SDK1: variants seen among roughly 807,000 people sequenced by gnomAD.
SDK1 encodes protein sidekick-1.
In SDK1, 157 loss-of-function variants were observed where a neutral mutation model predicts 245.5. The observed-to-expected ratio is 0.64, with a 90% CI of 0.56 to 0.73. SDK1 has a LOEUF of 0.73. Ranked by LOEUF, SDK1 falls within the 30% of genes least tolerant of loss-of-function variation. The probability of loss-of-function intolerance (pLI) is 0.00; values close to 1 mark genes in which losing one functional copy is unlikely to be tolerated. For synonymous variants in SDK1, 1,647 were observed against 1,278.5 expected, an observed-to-expected ratio of 1.29 and a Z score of -6.15; for missense variants, 3,583 against 3,002.3, an observed-to-expected ratio of 1.19 and a Z score of -4.52.
rs184240341 is a variant in SDK1 at position 4,104,528 on chromosome 7, G to A, written c.3325-6135G>A. On this transcript the variant is annotated intron_variant, in intron 22 of 44. Coordinates refer to ENST00000404826, the MANE Select transcript of SDK1 (RefSeq NM_152744.4). ...CACGGTTATATTGCTCTCATAGCTG[G>A]TTTTATTTCTAACTTTTTGATCTTA... 7.4e-3 allele frequency among the ~76,000 whole-genome samples: 1,131 copies of A among 152,250 alleles called. 8 individuals are homozygous for A. The highest frequency in any genetic ancestry group is 0.013 in the Non-Finnish European group (861 of 68,012).
intron 1 of SDK1, among the ~76,000 whole-genome samples, chr7:3,534,317 G>C (rs1024273375): frequency 2.0e-5 from 3 of 152,124 alleles, no homozygotes; most frequent in African/African-American, 7.2e-5. Context: ...GTGCTTCTGT[G>C]TCTTGGCTAT....
intron 1 of SDK1, among the ~76,000 whole-genome samples, chr7:3,593,327 G>A (rs1780946159): frequency 6.6e-6 from 1 of 152,034 alleles, no homozygotes; most frequent in Non-Finnish European, 1.5e-5. Context: ...GGACAAGGTG[G>A]GGCTGTTTCT....
intron 35 of SDK1, among the ~76,000 whole-genome samples, chr7:4,179,736 C>T (rs1403789299): frequency 2.0e-5 from 3 of 151,772 alleles, no homozygotes; most frequent in Admixed American, 6.6e-5. Context: ...AGGGTGCTGT[C>T]AGAGAGGGGT....
chr7:4,017,638 C>G (rs1423902007), intron 17 of SDK1, among the ~76,000 whole-genome samples: 1 of 152,142 alleles, frequency 6.6e-6, no homozygotes, highest in Non-Finnish European at 1.5e-5. Context: ...GTCTGTGGAA[C>G]TGGATTTTTC....
intron 4 of SDK1, among the ~76,000 whole-genome samples, chr7:3,774,002 C>G (rs1313413601): frequency 6.6e-6 from 1 of 152,034 alleles, no homozygotes; most frequent in African/African-American, 2.4e-5. Context: ...ATCACGAGGT[C>G]AGGAGATCGA....
Position 3,951,766 on chromosome 7 carries a change from T to G in SDK1, c.996T>G (p.Asn332Lys). Residue 332 changes from asparagine (N) to lysine (K), a missense_variant, in exon 7 of 45, where the codon AAT (asparagine) becomes AAG (lysine). Asn to Lys is a moderately conservative substitution (Grantham distance 94). Coordinates refer to ENST00000404826, the MANE Select transcript of SDK1 (RefSeq NM_152744.4). Reference protein sequence around the residue: ...VEDLSVTWKRNGVRITSGLHS... With the variant: ...VEDLSVTWKRKGVRITSGLHS... ...ACCTGAGTGTGACCTGGAAGAGGAA[T>G]GGAGTGAGAATCACCAGTGGCCTCC... 1 of 1,613,792 alleles carries G rather than the reference T, an allele frequency of 6.2e-7. No individual in the cohort carries two copies. The highest frequency in any genetic ancestry group is 8.5e-7 in the Non-Finnish European group (1 of 1,180,014).
intron 1 of SDK1, among the ~76,000 whole-genome samples, chr7:3,523,958 G>A (rs1183821665): frequency 6.6e-6 from 1 of 152,122 alleles, no homozygotes; most frequent in African/African-American, 2.4e-5. Context: ...ATTCTCCTTT[G>A]AGTCTGGATC....
rs140764304 is a variant in SDK1, at chr7:3,452,156, G to T, written c.298+150272G>T. 4.2e-3 allele frequency among the ~76,000 whole-genome samples: 637 copies of T among 152,302 alleles called. 7 individuals are homozygous for T. The highest frequency in any genetic ancestry group is 0.018 in the South Asian group (87 of 4,826). On this transcript the variant is annotated intron_variant, in intron 1 of 44. Transcript: ENST00000404826. The stretch of plus-strand genomic sequence containing the variant: ...ATGAGCATTTTTGTTTATCTGTTCA[G>T]TGTGTTTGGGGCTTTTGTCGTGTCA...
At chr7:3,468,985 A>G (rs1781097807) in intron 1 of SDK1, among the ~76,000 whole-genome samples, 1 of 152,224 alleles carries the variant, frequency 6.6e-6, no homozygotes, top group Non-Finnish European at 1.5e-5. Flanking sequence ...TGAAGTTACC[A>G]TATGAAATAT....
At chr7:3,840,528 G>C (rs1780130592) in intron 5 of SDK1, among the ~76,000 whole-genome samples, 1 of 152,178 alleles carries the variant, frequency 6.6e-6, no homozygotes, top group Non-Finnish European at 1.5e-5. Context: ...GAACTTGTTA[G>C]AAATGCAGAA....
chr7:3,444,630 T>A (rs2128589662), intron 1 of SDK1, among the ~76,000 whole-genome samples: 1 of 152,286 alleles, frequency 6.6e-6, no homozygotes, highest in Non-Finnish European at 1.5e-5. Flanking sequence ...TGGCCCCACC[T>A]CTCTGTCCCC....
chr7:3,518,975 A>G (rs1583988526), intron 1 of SDK1, among the ~76,000 whole-genome samples: 1 of 151,080 alleles, frequency 6.6e-6, no homozygotes, highest in East Asian at 1.9e-4. Flanking sequence ...AAAAAAAAAA[A>G]GGAAGTCCTG....
intron 1 of SDK1, among the ~76,000 whole-genome samples, chr7:3,372,348 C>A (rs1188665365): frequency 2.0e-5 from 3 of 152,136 alleles, no homozygotes; most frequent in African/African-American, 7.2e-5. Context: ...GAAAATGTAG[C>A]CCACGTTACA....
At chr7:3,388,958 G>C (rs1781677507) in intron 1 of SDK1, among the ~76,000 whole-genome samples, 1 of 152,150 alleles carries the variant, frequency 6.6e-6, no homozygotes, top group Non-Finnish European at 1.5e-5. Context: ...TAGCAGCCGT[G>C]ATACCTGCTG....
chr7:3,706,188 G>C lies in SDK1; in HGVS notation c.713+64083G>C, dbSNP rs558997985. On this transcript the variant is annotated intron_variant, in intron 4 of 44. Transcript: ENST00000404826. ...AGTTCATATTTTGTTGAGGATTTTT[G>C]CATCTATATTCATCAAGGATATTGG... is the stretch of plus-strand genomic sequence containing the variant. Among the ~76,000 whole-genome samples the C allele has an allele frequency of 8.5e-5, 13 of 152,200 alleles. No homozygotes were observed. The South Asian group carries it at 2.5e-3, about 29-fold the overall frequency.
chr7:4,156,259 T>C (rs115935764), intron 30 of SDK1, among the ~76,000 whole-genome samples: 4,620 of 152,144 alleles, frequency 0.03, 169 homozygotes, highest in African/African-American at 0.082. Flanking sequence ...AGGGAGGTCG[T>C]GGGAGAAGAC....
At chr7:4,009,500 A>G (rs1785766804) in intron 14 of SDK1, among the ~76,000 whole-genome samples, 1 of 152,168 alleles carries the variant, frequency 6.6e-6, no homozygotes, top group African/African-American at 2.4e-5. Flanking sequence ...GGTAACTGGG[A>G]ATGCGCACAT....
Position 4,266,990 on chromosome 7 carries a change from G to T in SDK1, c.*1606G>T. ...TCTCCTGGCCACATGCAGAAAGTGT[G>T]GCCCCTGCTTACCTAGATGTTTTGT... On this transcript the variant is annotated 3_prime_UTR_variant, in exon 45 of 45. Transcript: ENST00000404826. The T allele has an allele frequency of 2.0e-6, 2 of 985,590 alleles. No individual in the cohort carries two copies. The highest frequency in any genetic ancestry group is 2.4e-6 in the Non-Finnish European group (2 of 830,034). 61.1% of individuals were successfully genotyped at this position (985,590 alleles called of 1,614,324 possible). A position where few individuals can be genotyped will look rare whatever the true frequency, so the allele number is the denominator to read the frequency against.
At chr7:4,195,376 GC>G (rs145878502) in intron 35 of SDK1, among the ~76,000 whole-genome samples, 6,468 of 152,206 alleles carry the variant, frequency 0.042, 206 homozygotes, top group Non-Finnish European at 0.058. Flanking sequence ...AGAACACTCT[GC>G]CCTGGCTGCT....
Sources: gnomAD v4.1 joint callset for allele counts (sites outside exome capture counted in the v4.1 genomes callset) on GRCh38, gnomAD v4.1.1 for gene constraint, MANE v1.5 for transcripts, NCBI Gene and HGNC (gene_info 2026-07-23, HGNC 2026-07-21) for gene names.